VPS13B: variants seen among roughly 807,000 people sequenced by gnomAD.
VPS13B encodes vacuolar protein sorting 13 homolog B.
In VPS13B, 285 loss-of-function variants were observed where a neutral mutation model predicts 426.4. That is an observed-to-expected ratio of 0.67 (90% CI 0.61 to 0.74). VPS13B has a LOEUF of 0.74. Among genes scored for constraint, VPS13B ranks in the 30% least tolerant of loss-of-function variants. The pLI is 0.00. For synonymous variants in VPS13B, 1,676 were observed against 1,676.4 expected (o/e 1.00, Z 0.01); for missense variants, 4,537 against 4,782.6 (o/e 0.95, Z 1.51).
At chr8:99,867,405 A>G (rs1337204377) in intron 58 of VPS13B, among the ~76,000 whole-genome samples, 4 of 152,192 alleles carry the variant, frequency 2.6e-5, no homozygotes, top group African/African-American at 9.7e-5. Context: ...GCCCTGTGCT[A>G]CAGCTGTGGG....
At chr8:99,628,421 A>G (rs1828703657) in intron 33 of VPS13B, among the ~76,000 whole-genome samples, 1 of 152,176 alleles carries the variant, frequency 6.6e-6, no homozygotes, top group African/African-American at 2.4e-5. Context: ...TGTCTTAGAT[A>G]TTCATAATGG....
At chr8:99,021,187 A>G (rs1351098035) in intron 2 of VPS13B, among the ~76,000 whole-genome samples, 1 of 152,234 alleles carries the variant, frequency 6.6e-6, no homozygotes, top group Non-Finnish European at 1.5e-5. Flanking sequence ...AGTAGCTAGG[A>G]CAGAGATTGA....
intron 43 of VPS13B, among the ~76,000 whole-genome samples, chr8:99,795,050 C>A (rs1812737331): frequency 6.6e-6 from 1 of 152,184 alleles, no homozygotes; most frequent in Admixed American, 6.6e-5. Flanking sequence ...TCATTTGCAT[C>A]TGATAAAGCT....
At chr8:99,748,398 C>T (rs923293217) in intron 39 of VPS13B, among the ~76,000 whole-genome samples, 3 of 151,994 alleles carry the variant, frequency 2.0e-5, no homozygotes, top group African/African-American at 7.2e-5. Flanking sequence ...CTTTGAGAGG[C>T]TTCTTTGTTC....
chr8:99,088,234 A>T (rs7465566), intron 3 of VPS13B, among the ~76,000 whole-genome samples: 110,878 of 151,152 alleles, frequency 0.73, 41,249 homozygotes, highest in South Asian at 0.86. Context: ...TAAATATCAG[A>T]TCTTAAAAAA....
intron 33 of VPS13B, among the ~76,000 whole-genome samples, chr8:99,585,608 T>A (rs921116695): frequency 2.0e-5 from 3 of 152,020 alleles, no homozygotes; most frequent in Admixed American, 6.6e-5. Context: ...GTGAAAAAAA[T>A]TTTTAGACAA....
At chr8:99,543,520 T>TAGGCAAC (rs1490042262) in intron 30 of VPS13B, among the ~76,000 whole-genome samples, 1 of 151,270 alleles carries the variant, frequency 6.6e-6, no homozygotes, top group Non-Finnish European at 1.5e-5. Context: ...TCAGAGTGAA[T>TAGGCAAC]AGGCAACCTA....
At chr8:99,620,125 A>G (rs896974366) in intron 33 of VPS13B, among the ~76,000 whole-genome samples, 2 of 152,122 alleles carry the variant, frequency 1.3e-5, no homozygotes, top group African/African-American at 4.8e-5. Flanking sequence ...GCTTACCATA[A>G]AATTCTTTCA....
intron 35 of VPS13B, chr8:99,696,959 C>T (rs1832035815): frequency 4.6e-6 from 3 of 658,856 alleles, no homozygotes; most frequent in African/African-American, 1.8e-5. Context: ...GGGTGGACAA[C>T]CTGAACGTCA....
chr8:99,710,455 G>T (rs765217495), intron 36 of VPS13B, among the ~76,000 whole-genome samples: 1 of 151,944 alleles, frequency 6.6e-6, no homozygotes, highest in African/African-American at 2.4e-5. Flanking sequence ...AGGTTTATAT[G>T]TGTGGTAATA....
At chr8:99,663,377 T>C (rs1256613639) in intron 35 of VPS13B, among the ~76,000 whole-genome samples, 2 of 152,160 alleles carry the variant, frequency 1.3e-5, no homozygotes, top group African/African-American at 2.4e-5. Context: ...ACTCTAGATA[T>C]GGTTTTAAAT....
intron 35 of VPS13B, among the ~76,000 whole-genome samples, chr8:99,685,142 A>C (rs2084554): frequency 2.6e-4 from 40 of 152,310 alleles, no homozygotes; most frequent in African/African-American, 9.4e-4. Context: ...TTTTCCTTTC[A>C]GGAAAGAGAT....
intron 33 of VPS13B, among the ~76,000 whole-genome samples, chr8:99,581,976 C>A (rs72674666): frequency 0.062 from 9,429 of 151,974 alleles, 401 homozygotes; most frequent in Non-Finnish European, 0.091. Flanking sequence ...ATGTTAGTTC[C>A]TTGCCTTTTA....
intron 3 of VPS13B, among the ~76,000 whole-genome samples, chr8:99,066,313 A>G (rs1454953118): frequency 6.6e-6 from 1 of 152,220 alleles, no homozygotes; most frequent in Non-Finnish European, 1.5e-5. Flanking sequence ...TATATAGACC[A>G]ATGGAACAGA....
rs749167191 is a variant in VPS13B at position 99,481,731 on chromosome 8, A to C, written c.3799A>C (p.Ser1267Arg). 1.2e-6 allele frequency: 2 copies of C among 1,614,014 alleles called. No homozygotes were observed. Among genetic ancestry groups the C allele is most frequent in the Admixed American group, 3.3e-5 (2 of 60,012 alleles). The change falls in exon 25 of 62, where the codon AGC (serine) becomes CGC (arginine). Residue 1267 changes from serine (S) to arginine (R), a missense_variant. Around this residue, in one of 2 missense-constraint regions of VPS13B, gnomAD observed 4,311 missense variants for 4,474.3 expected, o/e 0.96. Transcript: ENST00000357162. ...AGPVPTSPVR[S>R]SIGTAPPDTS... is the part of the protein sequence containing the mutation. ...GCCTGTTCCTACTTCTCCAGTTAGA[A>C]GCAGTATAGGCACAGCTCCTCCAGA...
intron 52 of VPS13B, among the ~76,000 whole-genome samples, chr8:99,834,551 T>G (rs571572252): frequency 3.9e-5 from 6 of 152,140 alleles, no homozygotes; most frequent in Admixed American, 2.6e-4. Context: ...TTTTTATTTT[T>G]TTTGATACAG....
At position 99,339,130 on chromosome 8, in the gene VPS13B, A is replaced by G. The variant is rs149251563; in HGVS notation, c.2825-45078A>G. Among the ~76,000 whole-genome samples, 521 of 152,204 alleles carry G rather than the reference A, an allele frequency of 3.4e-3. 2 individuals are homozygous for G. Among genetic ancestry groups the G allele is most frequent in the African/African-American group, 0.012 (499 of 41,524 alleles). ...ATCATTTTAAAAATATTTAAGTTTCATATTGTTTTGCATGTTTTGATTTGT... is the reference window on the plus strand; with the variant it reads ...ATCATTTTAAAAATATTTAAGTTTCGTATTGTTTTGCATGTTTTGATTTGT... On this transcript the variant is annotated intron_variant, in intron 19 of 61. Transcript: ENST00000357162.
intron 2 of VPS13B, among the ~76,000 whole-genome samples, chr8:99,030,048 G>A (rs991192218): frequency 3.3e-5 from 5 of 150,806 alleles, no homozygotes; most frequent in Non-Finnish European, 5.9e-5. Context: ...TTTCTTCCGT[G>A]ACTTGAGATG....
rs138667007 is a variant in VPS13B at position 99,861,912 on chromosome 8, A to G, written c.11181A>G (p.Arg3727=). 1.3e-3 allele frequency: 2,132 copies of G among 1,597,528 alleles called. 17 individuals carry two copies. In the African/African-American group the frequency reaches 0.026, roughly 19 times the overall value. The change falls in exon 58 of 62, where the codon CGA becomes CGG. Residue 3727 remains arginine, a synonymous_variant. Transcript: ENST00000357162. Reference sequence around the variant, plus strand: ...CCGAGAGCCTGGGCGAGGGGCTTCGACAGGGCCTGTCCCGGCTGGGCATCA... The same window carrying G: ...CCGAGAGCCTGGGCGAGGGGCTTCGGCAGGGCCTGTCCCGGCTGGGCATCA... ...QLPESLGEGL[R]QGLSRLGISL...
Sources: gnomAD v4.1 joint callset for allele counts (sites outside exome capture counted in the v4.1 genomes callset) on GRCh38, gnomAD v4.1.1 for gene constraint, gnomAD v4.1.1 regional missense constraint, MANE v1.5 for transcripts, NCBI Gene and HGNC (gene_info 2026-07-23, HGNC 2026-07-21) for gene names.